MGAT4C: variants seen among roughly 807,000 people sequenced by gnomAD.
MGAT4C encodes alpha-1,3-mannosyl-glycoprotein 4-beta-N-acetylglucosaminyltransferase C.
MGAT4C carries 19 observed loss-of-function variants against 40.1 expected under a neutral mutation model. The observed-to-expected ratio is 0.47, with a 90% CI of 0.33 to 0.70. The LOEUF (loss-of-function observed/expected upper bound fraction) is 0.70. Ranked by LOEUF, MGAT4C falls within the 30% of genes least tolerant of loss-of-function variation. The pLI is 0.02. For missense variants in MGAT4C, 491 were observed against 563.2 expected (o/e 0.87, Z 1.30); for synonymous variants, 181 against 187.1 (o/e 0.97, Z 0.27).
chr12:86,200,934 T>C (rs1263768839), intron 1 of MGAT4C, among the ~76,000 whole-genome samples: 1 of 152,150 alleles, frequency 6.6e-6, no homozygotes, highest in Non-Finnish European at 1.5e-5. Flanking sequence ...TGTGAGGACA[T>C]GGTGAGAAGG....
intron 4 of MGAT4C, among the ~76,000 whole-genome samples, chr12:86,296,685 C>G (rs563558840): frequency 9.2e-5 from 14 of 152,336 alleles, no homozygotes; most frequent in African/African-American, 2.9e-4. Context: ...CAGGGCCGGC[C>G]AGCGGCTCCG....
chr12:86,757,404 C>G (rs911252855), intron 1 of MGAT4C, among the ~76,000 whole-genome samples: 1 of 151,952 alleles, frequency 6.6e-6, no homozygotes, highest in East Asian at 1.9e-4. Context: ...TAAAAAATAG[C>G]CAAAAACTTA....
At chr12:86,694,846 A>C (rs1436738425) in intron 2 of MGAT4C, among the ~76,000 whole-genome samples, 1 of 152,194 alleles carries the variant, frequency 6.6e-6, no homozygotes, top group Non-Finnish European at 1.5e-5. Context: ...TCTCTGGAAC[A>C]TTGGTCTGGG....
intron 3 of MGAT4C, among the ~76,000 whole-genome samples, chr12:86,352,947 A>G (rs867677118): frequency 2.9e-4 from 44 of 151,822 alleles, no homozygotes; most frequent in African/African-American, 1.0e-3. Flanking sequence ...CAGCATACCA[A>G]CATGGCACAT....
intron 2 of MGAT4C, among the ~76,000 whole-genome samples, chr12:86,725,790 A>C (rs562106794): frequency 6.6e-6 from 1 of 152,186 alleles, no homozygotes; most frequent in South Asian, 2.1e-4. Flanking sequence ...TTTGTATACA[A>C]CCATGCTGTT....
intron 2 of MGAT4C, chr12:86,022,518 C>T (rs1219465642): frequency 1.3e-5 from 2 of 152,160 alleles, no homozygotes; most frequent in Admixed American, 6.6e-5. Flanking sequence ...TTGACACCAG[C>T]CTGGGCAACG....
At chr12:86,781,777 T>A (rs1234714227) in intron 1 of MGAT4C, among the ~76,000 whole-genome samples, 1 of 152,156 alleles carries the variant, frequency 6.6e-6, no homozygotes, top group African/African-American at 2.4e-5. Flanking sequence ...TGACACAAAT[T>A]ATTCAAAAAT....
chr12:86,260,683 A>G (rs1952639805), upstream of MGAT4C, among the ~76,000 whole-genome samples: 1 of 152,090 alleles, frequency 6.6e-6, no homozygotes, highest in African/African-American at 2.4e-5. Flanking sequence ...CTGTTCAATT[A>G]TTGACTGTAT....
intron 1 of MGAT4C, chr12:86,068,357 G>C (rs1894760264): frequency 1.3e-5 from 2 of 151,848 alleles, no homozygotes; most frequent in Non-Finnish European, 2.9e-5. Flanking sequence ...CATCATCATT[G>C]ATATTAGTTT....
intron 2 of MGAT4C, among the ~76,000 whole-genome samples, chr12:86,597,334 T>C (rs1003132353): frequency 2.0e-5 from 3 of 152,098 alleles, no homozygotes; most frequent in Non-Finnish European, 4.4e-5. Flanking sequence ...TGACATATGA[T>C]AAAGCCCAGG....
At chr12:86,340,893 AGTTTAACCTG>A (rs1033290367) in intron 3 of MGAT4C, among the ~76,000 whole-genome samples, 13 of 152,186 alleles carry the variant, frequency 8.5e-5, no homozygotes, top group Admixed American at 2.6e-4. Flanking sequence ...TTAAGGCCCA[AGTTTAACCTG>A]GTTGATTTTA....
intron 2 of MGAT4C, among the ~76,000 whole-genome samples, chr12:86,589,961 A>G (rs1326859269): frequency 6.6e-6 from 1 of 152,008 alleles, no homozygotes; most frequent in Non-Finnish European, 1.5e-5. Context: ...AACAATACAA[A>G]ATACAAAATG....
intron 2 of MGAT4C, among the ~76,000 whole-genome samples, chr12:86,477,195 A>C (rs149014796): frequency 6.6e-6 from 1 of 152,198 alleles, no homozygotes; most frequent in African/African-American, 2.4e-5. Context: ...ATTGAAAAAA[A>C]AGAAAATGTG....
intron 2 of MGAT4C, among the ~76,000 whole-genome samples, chr12:86,041,928 G>A (rs1012358070): frequency 1.3e-5 from 2 of 152,094 alleles, no homozygotes; most frequent in African/African-American, 4.8e-5. Context: ...CCCTCCTCCT[G>A]TTATTGTGTA....
At chr12:86,076,573 G>A (rs1298947251) in intron 1 of MGAT4C, among the ~76,000 whole-genome samples, 2 of 152,168 alleles carry the variant, frequency 1.3e-5, no homozygotes, top group African/African-American at 4.8e-5. Flanking sequence ...TGGACTTACA[G>A]TTCCACATGA....
At chr12:86,603,658 CTATATTATA>C (rs1241879465) in intron 2 of MGAT4C, among the ~76,000 whole-genome samples, 5 of 122,334 alleles carry the variant, frequency 4.1e-5, no homozygotes, top group African/African-American at 1.6e-4. Flanking sequence ...ATTATATAGT[CTATATTATA>C]TATAGTATAT....
chr12:85,989,414 C>G lies in MGAT4C; in HGVS notation c.133G>C (p.Asp45His). ...CCCAAACTTACCAGAACATAGCTAT[C>G]TTCAATGTACAAGTTCATAAAAAGG... ...FLLFMNLYIE[D>H]SYVLEGDKQL... The change falls in exon 3 of 5, where the codon GAT (aspartate) becomes CAT (histidine). Residue 45 changes from aspartate (D) to histidine (H), a missense_variant. Transcript: ENST00000611864. 6.3e-7 allele frequency: 1 copy of G among 1,599,824 alleles called. No individual in the cohort carries two copies. The highest frequency in any genetic ancestry group is 2.3e-5 in the East Asian group (1 of 44,364).
intron 1 of MGAT4C, among the ~76,000 whole-genome samples, chr12:86,836,627 A>G (rs1953042079): frequency 1.3e-5 from 2 of 152,122 alleles, no homozygotes; most frequent in Admixed American, 6.6e-5. Flanking sequence ...AAGAGACACT[A>G]ACATGATTGT....
In MGAT4C at chr12:86,799,871, G is replaced by A. The variant is rs149948989; in HGVS notation, c.-262+38795C>T. Among the ~76,000 whole-genome samples, 81 of 151,940 alleles carry A rather than the reference G, an allele frequency of 5.3e-4. 1 individual carries two copies. The East Asian group carries it at 0.015, about 28-fold the overall frequency. ...CATGAGGTAGACACTGTGACCAAAT[G>A]GATTTTGTGTCTCTCTTGAATTTGA... On this transcript the variant is annotated intron_variant, in intron 1 of 7. Coordinates refer to the MGAT4C transcript ENST00000548651.
Sources: allele counts gnomAD v4.1 joint callset (sites outside exome capture counted in the v4.1 genomes callset), GRCh38; gene constraint gnomAD v4.1.1; transcripts MANE v1.5; gene names NCBI Gene and HGNC (gene_info 2026-07-23, HGNC 2026-07-21).